The following CACNA1C variants were observed in gnomAD, a reference collection of about 807,000 sequenced individuals.
CACNA1C encodes voltage-dependent L-type calcium channel subunit alpha-1C.
A neutral mutation model predicts 229.0 loss-of-function variants in CACNA1C; 30 were observed. That is an observed-to-expected ratio of 0.13 (90% CI 0.10 to 0.18). The LOEUF (loss-of-function observed/expected upper bound fraction) is 0.18, where lower values mean the gene tolerates loss of function less well. CACNA1C is among the 10% of genes least tolerant of loss of function. The pLI is 1.00. For missense variants in CACNA1C, 1,658 were observed against 2,845.0 expected (o/e 0.58, Z 9.49); for synonymous variants, 1,114 against 1,132.5 (o/e 0.98, Z 0.33).
intron 3 of CACNA1C, among the ~76,000 whole-genome samples, chr12:2,272,821 T>G (rs2085719964): frequency 6.6e-6 from 1 of 152,262 alleles, no homozygotes; most frequent in Non-Finnish European, 1.5e-5. Context: ...ATTTATCCGT[T>G]CTATTGGACA....
At chr12:2,258,138 T>A (rs2078696001) in intron 3 of CACNA1C, among the ~76,000 whole-genome samples, 1 of 152,214 alleles carries the variant, frequency 6.6e-6, no homozygotes, top group Non-Finnish European at 1.5e-5. Flanking sequence ...ATATCCCACC[T>A]CTTCCTGAAA....
At chr12:2,198,225 A>G (rs564880821) in intron 3 of CACNA1C, among the ~76,000 whole-genome samples, 1 of 152,212 alleles carries the variant, frequency 6.6e-6, no homozygotes, top group African/African-American at 2.4e-5. Context: ...CCTTTAAGAC[A>G]ATACCCAGAT....
intron 3 of CACNA1C, among the ~76,000 whole-genome samples, chr12:2,318,539 C>T (rs766898065): frequency 6.6e-5 from 10 of 152,258 alleles, no homozygotes; most frequent in South Asian, 2.1e-4. Flanking sequence ...CCCTGTGCTA[C>T]GCTTCTGTAA....
At chr12:2,104,304 G>A (rs2077416692) in intron 1 of CACNA1C, among the ~76,000 whole-genome samples, 1 of 152,106 alleles carries the variant, frequency 6.6e-6, no homozygotes, top group Admixed American at 6.5e-5. Context: ...CTTGTAAGTT[G>A]TATTCCTAGG....
intron 1 of CACNA1C, among the ~76,000 whole-genome samples, chr12:2,083,544 G>A (rs2154058440): frequency 6.6e-6 from 1 of 152,344 alleles, no homozygotes; most frequent in East Asian, 1.9e-4. Context: ...CTCAGGTTGT[G>A]CTCTTGGGAG....
In CACNA1C at chr12:2,678,599, G is replaced by A. The variant is rs764462740; in HGVS notation, c.5091+732G>A. On this transcript the variant is annotated intron_variant, in intron 41 of 46. Transcript: ENST00000399655. This position sits in a 1 kb window ranked among gnomAD's most constrained non-coding sequence, Gnocchi z 4.1. ...GCTCACACCGCTCTCTCCCGGCCGC[G>A]GGCCCAGTTCCCAGGCTGTGGAACA... is the stretch of plus-strand genomic sequence containing the variant. Among the ~76,000 whole-genome samples the A allele has an allele frequency of 7.2e-5, 11 of 152,168 alleles. No homozygotes were observed. Among genetic ancestry groups the A allele is most frequent in the African/African-American group, 9.7e-5 (4 of 41,436 alleles).
At position 2,540,585 on chromosome 12, in the gene CACNA1C, C is replaced by T. The variant is rs930414617; in HGVS notation, c.1391-9358C>T. Among the ~76,000 whole-genome samples the T allele has an allele frequency of 3.9e-5, 6 of 152,286 alleles. No individual in the cohort carries two copies. In the South Asian group the frequency reaches 1.2e-3, roughly 32 times the overall value. ...GCTGTGGTGTGAGAGCGGTGATAGACAGCACACACAGGGCACGGCAGTCCC... is the reference window on the plus strand; with the variant it reads ...GCTGTGGTGTGAGAGCGGTGATAGATAGCACACACAGGGCACGGCAGTCCC... On this transcript the variant is annotated intron_variant, in intron 9 of 46. Coordinates refer to ENST00000399655, the MANE Select transcript of CACNA1C (RefSeq NM_000719.7).
Position 2,665,555 on chromosome 12 carries a change from G to A in CACNA1C, c.4399-26G>A. ...AGGTGTGTAGGAAGGTCTTCTCACA[G>A]CACCTCATTGTACTGTTCCCCACAG... On this transcript the variant is annotated intron_variant, in intron 35 of 46. Coordinates refer to ENST00000399655, the MANE Select transcript of CACNA1C (RefSeq NM_000719.7). This position sits in a 1 kb window ranked among gnomAD's most constrained non-coding sequence, Gnocchi z 5.9. The A allele has an allele frequency of 6.2e-7, 1 of 1,611,294 alleles. No homozygotes were observed. Among genetic ancestry groups the A allele is most frequent in the South Asian group, 1.1e-5 (1 of 90,928 alleles).
At chr12:2,276,461 C>T (rs561790449) in intron 3 of CACNA1C, among the ~76,000 whole-genome samples, 16 of 152,346 alleles carry the variant, frequency 1.1e-4, no homozygotes, top group Admixed American at 9.8e-4. Flanking sequence ...AGCAGAGATG[C>T]TTTTGTTCAA....
intron 21 of CACNA1C, among the ~76,000 whole-genome samples, chr12:2,600,629 G>A (rs1483367407): frequency 1.3e-5 from 2 of 152,228 alleles, no homozygotes; most frequent in Non-Finnish European, 2.9e-5. Context: ...GGCTGTAAAG[G>A]TGATTTGTTG....
chr12:2,515,129 C>T (rs1255735989), intron 9 of CACNA1C, among the ~76,000 whole-genome samples: 1 of 152,190 alleles, frequency 6.6e-6, no homozygotes, highest in Non-Finnish European at 1.5e-5. Flanking sequence ...GGGAGCCTGG[C>T]TCCTTCATTA....
chr12:1,974,484 A>G (rs1565791371), intron 1 of CACNA1C, among the ~76,000 whole-genome samples: 1 of 152,142 alleles, frequency 6.6e-6, no homozygotes, highest in Non-Finnish European at 1.5e-5. Flanking sequence ...GTACTCGTTT[A>G]ATGTGTATTT....
chr12:2,001,154 T>A (rs143746599), intron 1 of CACNA1C, among the ~76,000 whole-genome samples: 38 of 152,330 alleles, frequency 2.5e-4, no homozygotes, highest in African/African-American at 9.1e-4. Flanking sequence ...ACATTTCTGT[T>A]CTATTACAGC....
chr12:2,637,228 A>C (rs571675708), intron 30 of CACNA1C, among the ~76,000 whole-genome samples: 1 of 152,340 alleles, frequency 6.6e-6, no homozygotes, highest in East Asian at 1.9e-4. Context: ...TATTTACAGC[A>C]GTGTGTTTTG....
At chr12:2,255,328 C>A (rs1276314729) in intron 3 of CACNA1C, among the ~76,000 whole-genome samples, 1 of 151,690 alleles carries the variant, frequency 6.6e-6, no homozygotes, top group Non-Finnish European at 1.5e-5. Context: ...TGTGGGAGTT[C>A]TCAGTACCTG....
At chr12:2,005,404 TA>T (rs1170149359) in intron 1 of CACNA1C, among the ~76,000 whole-genome samples, 4 of 152,234 alleles carry the variant, frequency 2.6e-5, no homozygotes, top group Admixed American at 2.0e-4. Context: ...AAAACATTTT[TA>T]CTTGAAAGAA....
intron 3 of CACNA1C, among the ~76,000 whole-genome samples, chr12:2,164,370 G>T (rs1030467576): frequency 6.6e-6 from 1 of 152,206 alleles, no homozygotes; most frequent in Non-Finnish European, 1.5e-5. Flanking sequence ...CAGAGACCAG[G>T]TTTTGTTGCC....
chr12:2,021,821 G>A (rs973727684), intron 1 of CACNA1C, among the ~76,000 whole-genome samples: 1 of 152,164 alleles, frequency 6.6e-6, no homozygotes, highest in Non-Finnish European at 1.5e-5. Context: ...TTTTCATGGT[G>A]GTGTTAATCC....
At chr12:2,619,699 C>G (rs112906510) in intron 29 of CACNA1C, among the ~76,000 whole-genome samples, 1 of 151,942 alleles carries the variant, frequency 6.6e-6, no homozygotes, top group African/African-American at 2.4e-5. Context: ...CTAGGCCTTG[C>G]CATTCTTCGT....
Sources: gnomAD v4.1 joint callset for allele counts (sites outside exome capture counted in the v4.1 genomes callset) on GRCh38, gnomAD v4.1.1 for gene constraint, Gnocchi (gnomAD v3.1) non-coding constraint, MANE v1.5 for transcripts, NCBI Gene and HGNC (gene_info 2026-07-23, HGNC 2026-07-21) for gene names.